The following SCRIB variants were observed in gnomAD, a reference collection of about 807,000 sequenced individuals.
SCRIB encodes protein scribble homolog.
A neutral mutation model predicts 170.0 loss-of-function variants in SCRIB; 72 were observed. That is an observed-to-expected ratio of 0.42 (90% confidence interval 0.35 to 0.52). The LOEUF is 0.52. Ranked by LOEUF, SCRIB falls within the 20% of genes least tolerant of loss-of-function variation. SCRIB has a pLI of 0.02. For missense variants in SCRIB, 2,475 were observed against 2,338.5 expected, an observed-to-expected ratio of 1.06 and a Z score of -1.20; for synonymous variants, 1,298 against 1,044.3, an observed-to-expected ratio of 1.24 and a Z score of -4.68.
In SCRIB at chr8:143,815,107, G is replaced by A; in HGVS notation, c.159+107C>T. The A allele has an allele frequency of 4.6e-6, 6 of 1,310,932 alleles. 1 individual carries two copies. In the South Asian group the frequency reaches 9.5e-5, roughly 21 times the overall value. The allele number at this position is 1,310,932 out of a possible 1,614,324, so 81.2% of individuals were successfully genotyped here. A position where few individuals can be genotyped will look rare whatever the true frequency, so the allele number is the denominator to read the frequency against. The stretch of plus-strand genomic sequence containing the variant: ...GTGGGGACCTGGCCAGTGCAAACCA[G>A]CAGGGCCGGCTGGAGGCTGCGGTGA... On this transcript the variant is annotated intron_variant, in intron 1 of 36. Transcript: ENST00000356994.
At chr8:143,802,149 TA>T (rs1188341488) in intron 24 of SCRIB, among the ~76,000 whole-genome samples, 2 of 152,210 alleles carry the variant, frequency 1.3e-5, no homozygotes, top group African/African-American at 4.8e-5. Context: ...AGTCCTCAGA[TA>T]AATCCTTCCC....
In SCRIB at chr8:143,815,221, A is replaced by C; in HGVS notation, c.152T>G (p.Leu51Arg). The change falls in exon 1 of 37, where the codon CTG (leucine) becomes CGG (arginine). Residue 51 changes from leucine (L) to arginine (R), a missense_variant. Physicochemically the swap from Leu to Arg is moderately radical, Grantham distance 102. Around this residue, in one of 3 missense-constraint regions of SCRIB, gnomAD observed 487 missense variants for 558.1 expected, o/e 0.87. Coordinates refer to ENST00000356994, the MANE Select transcript of SCRIB (RefSeq NM_182706.5). ...GTGCGGGCGGCCGCTCACCTTGGGC[A>C]GCTCGCGCAGCTGGTTGGCGTCGAG... ...LLLDANQLRE[L>R]PKPFFRLLNL... 1 of 1,583,644 alleles carries C rather than the reference A, an allele frequency of 6.3e-7. No individual in the cohort carries two copies. The highest frequency in any genetic ancestry group is 8.5e-7 in the Non-Finnish European group (1 of 1,171,298).
chr8:143,801,962 C>T (rs1390381017), intron 24 of SCRIB, among the ~76,000 whole-genome samples: 4 of 152,202 alleles, frequency 2.6e-5, no homozygotes, highest in Admixed American at 6.5e-5. Context: ...CGCGGCACGC[C>T]GGCTGCAGAC....
chr8:143,808,554 G>A (rs1554637168), intron 15 of SCRIB, 55 bp downstream of exon 15: 1 of 1,486,350 alleles, frequency 6.7e-7, no homozygotes, highest in Non-Finnish European at 8.9e-7. Flanking sequence ...GCAGCCCTGG[G>A]TGCCCAGGAG....
At position 143,811,232 on chromosome 8, in the gene SCRIB, G is replaced by A; in HGVS notation, c.1020C>T (p.Leu340=). The A allele has an allele frequency of 1.9e-6, 3 of 1,611,274 alleles. No individual in the cohort carries two copies. The highest frequency in any genetic ancestry group is 2.5e-6 in the Non-Finnish European group (3 of 1,179,306). ...EIGGCVALSV[L]SLRDNRLAVL... ...CGGCCAGGCGGTTGTCCCTCAAGGAGAGGACGCTGAGTGCCACACAGCCCC... is the reference window on the plus strand; with the variant it reads ...CGGCCAGGCGGTTGTCCCTCAAGGAAAGGACGCTGAGTGCCACACAGCCCC... The change falls in exon 10 of 37, where the codon CTC becomes CTT. Residue 340 remains leucine (L), a synonymous_variant. Transcript: ENST00000356994.
chr8:143,810,943 G>A lies in SCRIB; in HGVS notation c.1236C>T (p.Thr412=), dbSNP rs781646055. 17 of 1,612,006 alleles carry A rather than the reference G, an allele frequency of 1.1e-5. 1 individual carries two copies. Among genetic ancestry groups the A allele is most frequent in the East Asian group, 4.5e-5 (2 of 44,880 alleles). ...GGGGCTGCTGGGGCAGCAAGTAGCAGGTGAGCACCTTCTCGCCGGTCCGGG... is the reference window on the plus strand; with the variant it reads ...GGGGCTGCTGGGGCAGCAAGTAGCAAGTGAGCACCTTCTCGCCGGTCCGGG... ...DDARTGEKVL[T]CYLLPQQPPP... The change falls in exon 11 of 37, where the codon ACC becomes ACT. Residue 412 remains threonine (T), a synonymous_variant. Transcript: ENST00000356994.
intron 28 of SCRIB, chr8:143,793,420 G>C (rs1245752135): frequency 9.6e-6 from 3 of 311,172 alleles, no homozygotes; most frequent in South Asian, 1.1e-4. Context: ...GGTAGAGAGG[G>C]GGGTGGGAGA....
chr8:143,807,053 T>C (rs782221396), intron 16 of SCRIB, 40 bp from the exon 17 acceptor site: 1 of 1,425,250 alleles, frequency 7.0e-7, no homozygotes, highest in South Asian at 1.2e-5. Context: ...AGGGCCGCAG[T>C]GGGGCTGCCT....
intron 5 of SCRIB, 41 bp downstream of exon 5, chr8:143,813,429 G>T (rs1815849671): frequency 3.7e-6 from 6 of 1,613,054 alleles, no homozygotes; most frequent in Non-Finnish European, 5.1e-6. Context: ...CCTGGGCTGT[G>T]GCCCTGCCCT....
At chr8:143,798,091 T>C (rs1815017960) in intron 24 of SCRIB, among the ~76,000 whole-genome samples, 1 of 152,032 alleles carries the variant, frequency 6.6e-6, no homozygotes, top group Non-Finnish European at 1.5e-5. Context: ...CACGTGAAGA[T>C]TTACACAATT....
chr8:143,811,643 CCT>C (rs1815728459), intron 9 of SCRIB, among the ~76,000 whole-genome samples: 1 of 152,126 alleles, frequency 6.6e-6, no homozygotes, highest in Non-Finnish European at 1.5e-5. Context: ...GAGGCTGCGC[CCT>C]GTGAGCCTGT....
At chr8:143,813,007 G>C in intron 7 of SCRIB, 23 bp downstream of exon 7, 1 of 1,609,350 alleles carries the variant, frequency 6.2e-7, no homozygotes, top group East Asian at 2.2e-5. Flanking sequence ...ACGAAGCAGG[G>C]GGCCAGCCCC....
intron 18 of SCRIB, among the ~76,000 whole-genome samples, 175 bp from the exon 19 acceptor site, chr8:143,805,610 C>T (rs1815391204): frequency 1.3e-5 from 2 of 152,138 alleles, no homozygotes; most frequent in South Asian, 4.1e-4. Flanking sequence ...TCGTGGGCAC[C>T]GACCCCTCCC....
intron 32 of SCRIB, 26 bp downstream of exon 32, chr8:143,792,194 G>A (rs782032083): frequency 6.4e-6 from 10 of 1,556,328 alleles, no homozygotes; most frequent in Admixed American, 3.6e-5. Flanking sequence ...AGCAGGGCGG[G>A]GTGGCGACCC....
intron 1 of SCRIB, 125 bp downstream of exon 1, chr8:143,815,087 GAC>G: frequency 9.0e-7 from 1 of 1,115,404 alleles, no homozygotes; most frequent in Non-Finnish European, 1.2e-6. Context: ...CTGGGGTGGG[GAC>G]CTGGCCAGTG....
chr8:143,801,569 C>T (rs1675832727), intron 24 of SCRIB, among the ~76,000 whole-genome samples: 1 of 152,190 alleles, frequency 6.6e-6, no homozygotes, highest in African/African-American at 2.4e-5. Context: ...TAAGCAACCG[C>T]TGCAGAAAAA....
rs1815837621 is a variant in SCRIB at position 143,813,246 on chromosome 8, C to G, written c.567+65G>C. ...CCTTGCTGTCGGATCTGCTCGCTGT[C>G]CCCTTCTTTGCCCTTGCTTCCGTGG... is the stretch of plus-strand genomic sequence containing the variant. On this transcript the variant is annotated intron_variant, in intron 6 of 36. Coordinates refer to ENST00000356994, the MANE Select transcript of SCRIB (RefSeq NM_182706.5). 16 of 1,603,940 alleles carry G rather than the reference C, an allele frequency of 1.0e-5. No homozygotes were observed. The East Asian group carries it at 3.6e-4, about 36-fold the overall frequency.
intron 5 of SCRIB, 44 bp from the exon 6 acceptor site, chr8:143,813,418 C>T (rs777375128): frequency 8.1e-6 from 13 of 1,611,650 alleles, no homozygotes; most frequent in Non-Finnish European, 1.0e-5. Flanking sequence ...CAGCCCTGGT[C>T]CCTGGGCTGT....
In SCRIB at chr8:143,815,571, C is replaced by T; in HGVS notation, c.-199G>A. The T allele has an allele frequency of 1.0e-6, 1 of 981,298 alleles. No individual in the cohort carries two copies. The highest frequency in any genetic ancestry group is 1.2e-6 in the Non-Finnish European group (1 of 828,318). The allele number at this position is 981,298 out of a possible 1,614,324, so 60.8% of individuals were successfully genotyped here. ...GGAACGCTCGGACTGCGGGCCTGGG[C>T]AGGGGGCGCGGCCCGGCGGGTCTCA... is the stretch of plus-strand genomic sequence containing the variant. On this transcript the variant is annotated 5_prime_UTR_variant, in exon 1 of 37. Coordinates refer to ENST00000356994, the MANE Select transcript of SCRIB (RefSeq NM_182706.5).
Sources: gnomAD v4.1 joint callset for allele counts (sites outside exome capture counted in the v4.1 genomes callset) on GRCh38, gnomAD v4.1.1 for gene constraint, gnomAD v4.1.1 regional missense constraint, MANE v1.5 for transcripts, NCBI Gene and HGNC (gene_info 2026-07-23, HGNC 2026-07-21) for gene names.